IL15: variants seen among roughly 807,000 people sequenced by gnomAD.
IL15 encodes the protein interleukin-15.
In IL15, 11 loss-of-function variants were observed where a neutral mutation model predicts 19.6. The ratio of observed to expected loss-of-function variants is 0.56; its 90% CI spans 0.35 to 0.93. The LOEUF (loss-of-function observed/expected upper bound fraction) is 0.93. IL15 is among the 40% of genes least tolerant of loss of function. The pLI is 0.01. For missense variants in IL15, 197 were observed against 186.5 expected (o/e 1.06, Z -0.33); for synonymous variants, 58 against 59.6 (o/e 0.97, Z 0.12).
At chr4:141,640,514 T>C (rs1727005670) in intron 1 of IL15, among the ~76,000 whole-genome samples, 1 of 152,174 alleles carries the variant, frequency 6.6e-6, no homozygotes, top group Non-Finnish European at 1.5e-5. Context: ...CTGGTCACCA[T>C]TTGGGGTGAT....
chr4:141,731,524 A>T (rs907936027), intron 7 of IL15, among the ~76,000 whole-genome samples: 1 of 152,240 alleles, frequency 6.6e-6, no homozygotes, highest in Non-Finnish European at 1.5e-5. Flanking sequence ...GGCAAAATAA[A>T]TGATGAGCTC....
chr4:141,645,080 A>G (rs546070745), intron 1 of IL15, among the ~76,000 whole-genome samples: 2 of 152,128 alleles, frequency 1.3e-5, no homozygotes, highest in East Asian at 1.9e-4. Flanking sequence ...GAGACCTTTT[A>G]TATACTCACT....
rs570781487 is a variant in IL15, at chr4:141,660,360, G to A, written c.-100+4053G>A. On this transcript the variant is annotated intron_variant, in intron 2 of 7. Coordinates refer to ENST00000320650, the MANE Select transcript of IL15 (RefSeq NM_000585.5). ...TCAAGGCCCCTCCTCTTTTATTTTA[G>A]CTAGGGATGCAGCTTACAAGCTTGG... 1.4e-4 allele frequency among the ~76,000 whole-genome samples: 21 copies of A among 152,218 alleles called. No homozygotes were observed. The South Asian group carries it at 4.4e-3, about 32-fold the overall frequency.
chr4:141,660,030 C>G (rs1560905822), intron 2 of IL15, among the ~76,000 whole-genome samples: 1 of 152,042 alleles, frequency 6.6e-6, no homozygotes, highest in Non-Finnish European at 1.5e-5. Context: ...GTAAAACAGG[C>G]AAGTAAGTGT....
intron 2 of IL15, chr4:141,718,157 A>G (rs1434908010): frequency 1.3e-5 from 2 of 152,220 alleles, no homozygotes; most frequent in Non-Finnish European, 2.9e-5. Flanking sequence ...GTGACATTGT[A>G]AAGCCTCACT....
At chr4:141,702,192 GA>G (rs1368186892) in intron 2 of IL15, among the ~76,000 whole-genome samples, 1 of 152,164 alleles carries the variant, frequency 6.6e-6, no homozygotes, top group East Asian at 1.9e-4. Flanking sequence ...TCCACCAGTG[GA>G]AAGATCTGGG....
chr4:141,696,924 T>C lies in IL15; in HGVS notation c.-99-22442T>C, dbSNP rs115501377. Among the ~76,000 whole-genome samples, 331 of 152,206 alleles carry C rather than the reference T, an allele frequency of 2.2e-3. 2 individuals carry two copies. The highest frequency in any genetic ancestry group is 7.7e-3 in the African/African-American group (321 of 41,570). ...GTTATGAATATTAGTCTTTTGTCAG[T>C]ACATAGTTTGCAAATATTTTCTCCC... is the stretch of plus-strand genomic sequence containing the variant. On this transcript the variant is annotated intron_variant, in intron 2 of 7. Transcript: ENST00000320650.
At chr4:141,729,698 A>T (rs1228317639) in intron 6 of IL15, 149 bp from the exon 7 acceptor site, 9 of 527,134 alleles carry the variant, frequency 1.7e-5, no homozygotes, top group Non-Finnish European at 2.7e-5. Context: ...AAAAGAAAAA[A>T]AATTAAGCTG....
chr4:141,729,207 A>G (rs1730368853), intron 6 of IL15, among the ~76,000 whole-genome samples: 1 of 152,120 alleles, frequency 6.6e-6, no homozygotes, highest in African/African-American at 2.4e-5. Flanking sequence ...TGTGCAAGGT[A>G]TCGAGGACAC....
rs146018127 is a variant in IL15, at chr4:141,648,991, T to A, written c.-221-7195T>A. On this transcript the variant is annotated intron_variant, in intron 1 of 7. Coordinates refer to ENST00000320650, the MANE Select transcript of IL15 (RefSeq NM_000585.5). ...AGCACATTTGATTCTCTTTAGGAAC[T>A]TATTGTCTCGTGGAACAATTATTGT... is the stretch of plus-strand genomic sequence containing the variant. Among the ~76,000 whole-genome samples, 732 of 152,240 alleles carry A rather than the reference T, an allele frequency of 4.8e-3. 1 individual carries two copies. The highest frequency in any genetic ancestry group is 8.4e-3 in the Non-Finnish European group (573 of 67,980).
chr4:141,707,391 G>T (rs770434379), intron 2 of IL15, among the ~76,000 whole-genome samples: 2 of 152,048 alleles, frequency 1.3e-5, no homozygotes, highest in African/African-American at 4.8e-5. Context: ...CATTTCATAA[G>T]TATCATTTTA....
intron 2 of IL15, among the ~76,000 whole-genome samples, chr4:141,679,626 A>G (rs1304232201): frequency 2.6e-5 from 4 of 152,178 alleles, no homozygotes; most frequent in South Asian, 4.2e-4. Flanking sequence ...CTTACTTTAA[A>G]TGGGACATGA....
At position 141,657,310 on chromosome 4, in the gene IL15, G is replaced by A. The variant is rs185687038; in HGVS notation, c.-100+1003G>A. Among the ~76,000 whole-genome samples the A allele has an allele frequency of 3.8e-3, 577 of 152,174 alleles. 1 individual carries two copies. Among genetic ancestry groups the A allele is most frequent in the Non-Finnish European group, 6.6e-3 (446 of 67,998 alleles). Reference sequence around the variant, plus strand: ...TGGTTGATTCAATGAGTGAGTGGTGGGGGAATGTGAAAGCCTAGGACATTA... The same window carrying A: ...TGGTTGATTCAATGAGTGAGTGGTGAGGGAATGTGAAAGCCTAGGACATTA... On this transcript the variant is annotated intron_variant, in intron 2 of 7. Coordinates refer to ENST00000320650, the MANE Select transcript of IL15 (RefSeq NM_000585.5).
Position 141,727,982 on chromosome 4 carries a change from C to A in IL15, c.238C>A (p.His80Asn). 2 of 1,341,316 alleles carry A rather than the reference C, an allele frequency of 1.5e-6. No homozygotes were observed. Among genetic ancestry groups the A allele is most frequent in the Non-Finnish European group, 1.0e-6 (1 of 953,228 alleles). The allele number at this position is 1,341,316 out of a possible 1,614,324, so 83.1% of individuals were successfully genotyped here. ...TACTTTATATACGGAAAGTGATGTT[C>A]ACGTGAGTATACTTTTTTTCAAAAT... The part of the protein sequence containing the change: ...DATLYTESDV[H>N]PSCKVTAMKC... Residue 80 changes from histidine to asparagine, a missense_variant and splice_region_variant, in exon 6 of 8, where the codon CAC becomes AAC. His to Asn is a moderately conservative substitution (Grantham distance 68). Transcript: ENST00000320650.
intron 4 of IL15, chr4:141,721,602 C>T: frequency 1.9e-6 from 1 of 526,212 alleles, no homozygotes. Flanking sequence ...CATTCAAAAT[C>T]ATTTATTGAG....
chr4:141,703,754 AG>A (rs1729412987), intron 2 of IL15, among the ~76,000 whole-genome samples: 3 of 150,744 alleles, frequency 2.0e-5, no homozygotes, highest in African/African-American at 4.9e-5. Flanking sequence ...AAAAAAAAAA[AG>A]GTGTATAGAT....
At chr4:141,650,898 C>T (rs561359227) in intron 1 of IL15, among the ~76,000 whole-genome samples, 2 of 152,174 alleles carry the variant, frequency 1.3e-5, no homozygotes, top group South Asian at 4.2e-4. Flanking sequence ...AAGGCAGAAT[C>T]AAGCCTAGGG....
chr4:141,685,580 A>G (rs1442272015), intron 2 of IL15, among the ~76,000 whole-genome samples: 1 of 152,180 alleles, frequency 6.6e-6, no homozygotes, highest in African/African-American at 2.4e-5. Context: ...CCGAGATACA[A>G]ATTTATTTCT....
At chr4:141,684,261 T>A (rs770730751) in intron 2 of IL15, among the ~76,000 whole-genome samples, 1 of 152,200 alleles carries the variant, frequency 6.6e-6, no homozygotes, top group Non-Finnish European at 1.5e-5. Flanking sequence ...GAATTGTAAA[T>A]GAATTTATTC....
Sources: allele counts gnomAD v4.1 joint callset (sites outside exome capture counted in the v4.1 genomes callset), GRCh38; gene constraint gnomAD v4.1.1; transcripts MANE v1.5; gene names NCBI Gene and HGNC (gene_info 2026-07-23, HGNC 2026-07-21).